The following PTPRQ variants were observed in gnomAD, a reference collection of about 807,000 sequenced individuals.
PTPRQ encodes the protein protein tyrosine phosphatase receptor type Q, also known as phosphatidylinositol phosphatase PTPRQ.
A neutral mutation model predicts 246.0 loss-of-function variants in PTPRQ; 199 were observed. That is an observed-to-expected ratio of 0.81 (90% confidence interval 0.72 to 0.91). The LOEUF (loss-of-function observed/expected upper bound fraction) is 0.91. Ranked by LOEUF, PTPRQ falls within the 40% of genes least tolerant of loss-of-function variation. The probability of loss-of-function intolerance (pLI) is 0.00; values close to 1 mark genes in which losing one functional copy is unlikely to be tolerated. For missense variants in PTPRQ, 2,624 were observed against 2,528.4 expected (o/e 1.04, Z -0.81); for synonymous variants, 869 against 853.2 (o/e 1.02, Z -0.32).
chr12:80,624,864 A>G (rs553088657), intron 33 of PTPRQ, among the ~76,000 whole-genome samples: 1 of 152,234 alleles, frequency 6.6e-6, no homozygotes, highest in East Asian at 1.9e-4. Context: ...ACTACATATA[A>G]AATACATCAA....
chr12:80,579,922 C>T (rs1426907788), intron 25 of PTPRQ, among the ~76,000 whole-genome samples: 1 of 152,012 alleles, frequency 6.6e-6, no homozygotes, highest in Non-Finnish European at 1.5e-5. Context: ...TTTCAGACAT[C>T]TGTTTTGCTT....
chr12:80,676,598 C>G (rs770406148), intron 43 of PTPRQ, among the ~76,000 whole-genome samples: 1 of 152,084 alleles, frequency 6.6e-6, no homozygotes, highest in Non-Finnish European at 1.5e-5. Context: ...GCCAAGACTG[C>G]GCCATTGCAC....
intron 27 of PTPRQ, among the ~76,000 whole-genome samples, chr12:80,607,438 C>CCTTCCTTCCTTCCTTCCTTA: frequency 6.7e-6 from 1 of 148,452 alleles, no homozygotes; most frequent in African/African-American, 2.5e-5. Context: ...GTATTTCCTT[C>CCTTCCTTCCTTCCTTCCTTA]CTTCCTTCCT....
intron 25 of PTPRQ, among the ~76,000 whole-genome samples, chr12:80,573,291 C>T (rs1342687506): frequency 6.6e-6 from 1 of 152,166 alleles, no homozygotes; most frequent in Non-Finnish European, 1.5e-5. Context: ...AGATCGAGAC[C>T]TTCCTGGCTA....
chr12:80,674,646 A>G (rs949093251), intron 43 of PTPRQ, among the ~76,000 whole-genome samples: 1 of 152,224 alleles, frequency 6.6e-6, no homozygotes, highest in Non-Finnish European at 1.5e-5. Flanking sequence ...AAACATAAAT[A>G]AAATAAGAAA....
intron 29 of PTPRQ, among the ~76,000 whole-genome samples, chr12:80,614,131 A>T (rs1898659489): frequency 1.3e-5 from 2 of 150,770 alleles, no homozygotes; most frequent in Non-Finnish European, 3.0e-5. Flanking sequence ...AGTGATATAT[A>T]AAGAGATAAC....
intron 25 of PTPRQ, among the ~76,000 whole-genome samples, chr12:80,580,329 G>A (rs1437376933): frequency 6.6e-6 from 1 of 152,248 alleles, no homozygotes; most frequent in South Asian, 2.1e-4. Flanking sequence ...CTTCATCACA[G>A]TTCAGTCATG....
chr12:80,674,565 G>C (rs978954892), intron 43 of PTPRQ, among the ~76,000 whole-genome samples: 2 of 152,088 alleles, frequency 1.3e-5, no homozygotes, highest in African/African-American at 4.8e-5. Flanking sequence ...TTTTAGGAAA[G>C]ATATTTGAGC....
At position 80,642,091 on chromosome 12, in the gene PTPRQ, C is replaced by G. The variant is rs887213025; in HGVS notation, c.5916-6806C>G. On this transcript the variant is annotated intron_variant, in intron 35 of 44. Coordinates refer to ENST00000644991, the MANE Select transcript of PTPRQ (RefSeq NM_001145026.2). ...AATCAGAGCCCTTACCCTGACACAG[C>G]TAAACTTAATCATTTGTGTTAGTCA... Among the ~76,000 whole-genome samples, 3 of 152,164 alleles carry G rather than the reference C, an allele frequency of 2.0e-5. 1 individual carries two copies. Among genetic ancestry groups the G allele is most frequent in the Non-Finnish European group, 4.4e-5 (3 of 68,046 alleles).
intron 17 of PTPRQ, among the ~76,000 whole-genome samples, chr12:80,514,402 A>ACACACTCTCTCT (rs552667526): frequency 3.2e-3 from 357 of 113,018 alleles, no homozygotes; most frequent in African/African-American, 7.9e-3. Flanking sequence ...ACACACACAC[A>ACACACTCTCTCT]CTCTCTCTCT....
At chr12:80,510,695 T>C (rs1419608790) in intron 17 of PTPRQ, among the ~76,000 whole-genome samples, 2 of 152,178 alleles carry the variant, frequency 1.3e-5, no homozygotes, top group Non-Finnish European at 2.9e-5. Flanking sequence ...TTCCTACTCT[T>C]AAAAGTCATT....
At chr12:80,613,501 T>C in intron 28 of PTPRQ, 91 bp from the exon 29 acceptor site, 1 of 1,321,392 alleles carries the variant, frequency 7.6e-7, no homozygotes, top group Non-Finnish European at 1.0e-6. Context: ...GAATACTCTT[T>C]AAAAACAGAA....
chr12:80,465,186 C>T (rs1205699608), intron 6 of PTPRQ: 2 of 150,638 alleles, frequency 1.3e-5, no homozygotes, highest in African/African-American at 4.9e-5. Flanking sequence ...ACCACTGATC[C>T]CACAGAAATA....
At chr12:80,515,443 G>C (rs1895263028) in intron 17 of PTPRQ, among the ~76,000 whole-genome samples, 1 of 148,170 alleles carries the variant, frequency 6.7e-6, no homozygotes, top group Admixed American at 6.7e-5. Flanking sequence ...TTTTTTGAGA[G>C]GGGGTCTCGC....
intron 14 of PTPRQ, among the ~76,000 whole-genome samples, chr12:80,502,911 A>T (rs1166106579): frequency 6.6e-6 from 1 of 151,838 alleles, no homozygotes; most frequent in Non-Finnish European, 1.5e-5. Context: ...GATCATTTGC[A>T]TGGAAGTTGG....
chr12:80,542,482 C>A, intron 22 of PTPRQ, 118 bp downstream of exon 22: 2 of 1,378,712 alleles, frequency 1.5e-6, no homozygotes, highest in Non-Finnish European at 1.9e-6. Context: ...AACAGCCTTA[C>A]CATTATATTT....
At chr12:80,471,532 C>T (rs555363372) in intron 7 of PTPRQ, among the ~76,000 whole-genome samples, 4 of 26,536 alleles carry the variant, frequency 1.5e-4, no homozygotes, top group Non-Finnish European at 2.8e-4. Flanking sequence ...GGCTGGAGTG[C>T]AGTGGCGGGA....
chr12:80,494,540 G>A (rs1355615815), intron 10 of PTPRQ, among the ~76,000 whole-genome samples: 1 of 151,720 alleles, frequency 6.6e-6, no homozygotes, highest in Non-Finnish European at 1.5e-5. Flanking sequence ...TCCTGGTATT[G>A]ATTTATAATA....
At position 80,534,886 on chromosome 12, in the gene PTPRQ, T is replaced by C. The variant is rs559857445; in HGVS notation, c.2840-6T>C. 13 of 1,546,702 alleles carry C rather than the reference T, an allele frequency of 8.4e-6. No homozygotes were observed. Among genetic ancestry groups the C allele is most frequent in the African/African-American group, 4.1e-5 (3 of 72,946 alleles). On this transcript the variant is annotated splice_region_variant and splice_polypyrimidine_tract_variant and intron_variant, in intron 18 of 44. Coordinates refer to ENST00000644991, the MANE Select transcript of PTPRQ (RefSeq NM_001145026.2). ...ACAGTAATTTGTTCAATTATTTGTTTTATAGCACCAAGCGATCCTCCCAAA... is the reference window on the plus strand; with the variant it reads ...ACAGTAATTTGTTCAATTATTTGTTCTATAGCACCAAGCGATCCTCCCAAA...
Sources: allele counts gnomAD v4.1 joint callset (sites outside exome capture counted in the v4.1 genomes callset), GRCh38; gene constraint gnomAD v4.1.1; transcripts MANE v1.5; gene names NCBI Gene and HGNC (gene_info 2026-07-23, HGNC 2026-07-21).